KLHL28: variants seen among roughly 807,000 people sequenced by gnomAD.
The protein encoded by KLHL28 is kelch-like protein 28.
KLHL28 carries 22 observed loss-of-function variants against 48.3 expected under a neutral mutation model. That is an observed-to-expected ratio of 0.46 (90% confidence interval 0.33 to 0.65). The LOEUF is 0.65. Among genes scored for constraint, KLHL28 ranks in the 30% least tolerant of loss-of-function variants. The pLI is 0.03. For synonymous variants in KLHL28, 243 were observed against 242.4 expected, an observed-to-expected ratio of 1.00 and a Z score of -0.02; for missense variants, 527 against 704.3, an observed-to-expected ratio of 0.75 and a Z score of 2.85.
rs200022960 is a variant in KLHL28 at position 44,935,890 on chromosome 14, G to A, written c.900-1332C>T. 6.4e-3 allele frequency among the ~76,000 whole-genome samples: 376 copies of A among 58,998 alleles called. 3 individuals carry two copies. The highest frequency in any genetic ancestry group is 0.023 in the Middle Eastern group (2 of 88). 38.7% of individuals were successfully genotyped at this position (58,998 alleles called of 152,430 possible). A position where few individuals can be genotyped will look rare whatever the true frequency, so the allele number is the denominator to read the frequency against. ...TATGTGTATGTATATATATATGTGTGTATATATATATATCTTTACCCTCCC... is the reference window on the plus strand; with the variant it reads ...TATGTGTATGTATATATATATGTGTATATATATATATATCTTTACCCTCCC... On this transcript the variant is annotated intron_variant, in intron 2 of 4. Transcript: ENST00000396128.
intron 2 of KLHL28, among the ~76,000 whole-genome samples, chr14:44,939,018 G>A (rs960641976): frequency 6.6e-6 from 1 of 152,208 alleles, no homozygotes; most frequent in Admixed American, 6.5e-5. Context: ...AGTAGGAGAA[G>A]GTAGCCATGC....
chr14:44,931,408 A>G lies in KLHL28; in HGVS notation c.1477T>C (p.Leu493=), dbSNP rs1230526800. Residue 493 remains leucine, a synonymous_variant, in exon 4 of 5, where the codon TTG becomes CTG. Coordinates refer to ENST00000396128, the MANE Select transcript of KLHL28 (RefSeq NM_017658.5). ...GGATCGTATCTTTCAATGCTGGACA[A>G]ATGTGAGACTCCATTATGTCCACCC... The part of the protein sequence containing the change: ...VVGGHNGVSH[L]SSIERYDPHQ... 2 of 1,613,988 alleles carry G rather than the reference A, an allele frequency of 1.2e-6. No individual in the cohort carries two copies. The highest frequency in any genetic ancestry group is 1.7e-6 in the Non-Finnish European group (2 of 1,179,912).
At chr14:44,929,492 ATTG>A (rs1368476981) in intron 4 of KLHL28, among the ~76,000 whole-genome samples, 1 of 152,146 alleles carries the variant, frequency 6.6e-6, no homozygotes, top group African/African-American at 2.4e-5. Context: ...CTATTCTATT[ATTG>A]TTGTTGCTAA....
intron 2 of KLHL28, among the ~76,000 whole-genome samples, chr14:44,936,806 T>C (rs1883842649): frequency 6.6e-6 from 1 of 152,206 alleles, no homozygotes; most frequent in Non-Finnish European, 1.5e-5. Context: ...GACTGTGATG[T>C]TTCTCGAATC....
intron 1 of KLHL28, among the ~76,000 whole-genome samples, chr14:44,950,732 A>T (rs939993772): frequency 6.6e-6 from 1 of 152,234 alleles, no homozygotes. Context: ...TTGTATAAAA[A>T]GCAGTTGTAA....
chr14:44,945,248 T>C lies in KLHL28; in HGVS notation c.681A>G (p.Pro227=). Residue 227 remains proline, a synonymous_variant, in exon 2 of 5, where the codon CCA becomes CCG. Coordinates refer to ENST00000396128, the MANE Select transcript of KLHL28 (RefSeq NM_017658.5). ...TAGTGAGAAACTTAACACTCAACAATGGTAATCGTACACTGTTTAGTAACT... is the reference window on the plus strand; with the variant it reads ...TAGTGAGAAACTTAACACTCAACAACGGTAATCGTACACTGTTTAGTAACT... The part of the protein sequence containing the change: ...LAQLLNSVRL[P]LLSVKFLTRL... The C allele has an allele frequency of 3.1e-6, 5 of 1,614,142 alleles. No homozygotes were observed. The highest frequency in any genetic ancestry group is 4.2e-6 in the Non-Finnish European group (5 of 1,179,980).
At chr14:44,935,113 C>T (rs1194687868) in intron 2 of KLHL28, among the ~76,000 whole-genome samples, 5 of 152,098 alleles carry the variant, frequency 3.3e-5, no homozygotes, top group Non-Finnish European at 7.4e-5. Flanking sequence ...TAAATTGTGC[C>T]ATATCATATA....
chr14:44,937,169 G>A (rs1414293621), intron 2 of KLHL28, among the ~76,000 whole-genome samples: 21 of 146,606 alleles, frequency 1.4e-4, no homozygotes, highest in South Asian at 6.4e-4. Flanking sequence ...TTTTTGAGAC[G>A]GAGTCTCACT....
chr14:44,944,956 A>G (rs1478640078), intron 2 of KLHL28, 74 bp downstream of exon 2: 1 of 1,111,860 alleles, frequency 9.0e-7, no homozygotes, highest in Non-Finnish European at 1.3e-6. Context: ...CTATTTTTAA[A>G]ATATAGAAAA....
At position 44,945,104 on chromosome 14, in the gene KLHL28, C is replaced by T. The variant is rs1884265594; in HGVS notation, c.825G>A (p.Met275Ile). Residue 275 changes from methionine to isoleucine, a missense_variant, in exon 2 of 5, where the codon ATG becomes ATA. By Grantham distance (10) the Met-to-Ile change is conservative (BLOSUM62 1). Coordinates refer to ENST00000396128, the MANE Select transcript of KLHL28 (RefSeq NM_017658.5). Reference sequence around the variant, plus strand: ...CTTTGGGAGCACAGCGAGGTCGTGTCATCAAGACTGTCTGATGAGAGAGTC... The same window carrying T: ...CTTTGGGAGCACAGCGAGGTCGTGTTATCAAGACTGTCTGATGAGAGAGTC... ...EHRLSHQTVL[M>I]TRPRCAPKVL... 2 of 1,614,090 alleles carry T rather than the reference C, an allele frequency of 1.2e-6. No homozygotes were observed. Among genetic ancestry groups the T allele is most frequent in the African/African-American group, 2.7e-5 (2 of 75,030 alleles).
chr14:44,956,231 G>A (rs1333430417), intron 1 of KLHL28, among the ~76,000 whole-genome samples: 2 of 151,928 alleles, frequency 1.3e-5, no homozygotes, highest in African/African-American at 2.4e-5. Context: ...AAAGTACTGG[G>A]GTTACAGACA....
chr14:44,927,895 C>T lies in KLHL28; in HGVS notation c.*1133G>A, dbSNP rs750944430. The T allele has an allele frequency of 6.6e-6, 1 of 152,508 alleles. No homozygotes were observed. Among genetic ancestry groups the T allele is most frequent in the East Asian group, 1.9e-4 (1 of 5,200 alleles). The allele number at this position is 152,508 out of a possible 1,614,324, so 9.4% of individuals were successfully genotyped here. On this transcript the variant is annotated 3_prime_UTR_variant, in exon 5 of 5. Coordinates refer to ENST00000396128, the MANE Select transcript of KLHL28 (RefSeq NM_017658.5). Reference sequence around the variant, plus strand: ...ATCAAAAGTGTAACTTTCTTTAAATCACTATTCAGGAACCATGAAAAGCAT... The same window carrying T: ...ATCAAAAGTGTAACTTTCTTTAAATTACTATTCAGGAACCATGAAAAGCAT...
chr14:44,934,332 G>A lies in KLHL28; in HGVS notation c.1126C>T (p.Arg376Ter), dbSNP rs1295442130. Residue 376 changes from arginine to a stop codon, truncating the protein, a stop_gained, in exon 3 of 5, where the codon CGA becomes TGA. Coordinates refer to ENST00000396128, the MANE Select transcript of KLHL28 (RefSeq NM_017658.5). LOFTEE classifies it high-confidence loss of function. ...WTSLERMNES[R>*]STLGVVVLAG... ...AGTACTACTACTCCAAGAGTACTTC[G>A]GCTTTCATTCATTCTCTCTAGAGAA... is the stretch of plus-strand genomic sequence containing the variant. 9 of 1,613,748 alleles carry A rather than the reference G, an allele frequency of 5.6e-6. No individual in the cohort carries two copies. The highest frequency in any genetic ancestry group is 1.7e-5 in the Admixed American group (1 of 59,986).
chr14:44,957,343 C>T (rs2138672068), intron 1 of KLHL28, among the ~76,000 whole-genome samples: 1 of 152,176 alleles, frequency 6.6e-6, no homozygotes, highest in Non-Finnish European at 1.5e-5. Flanking sequence ...AAATATAAGG[C>T]ACAAAATTTT....
rs1207081442 is a variant in KLHL28, at chr14:44,945,094, G to A, written c.835C>T (p.Arg279Cys). ...SHQTVLMTRP[R>C]CAPKVLCAVG... ...GCACAAAGTACTTTGGGAGCACAGCGAGGTCGTGTCATCAAGACTGTCTGA... is the reference window on the plus strand; with the variant it reads ...GCACAAAGTACTTTGGGAGCACAGCAAGGTCGTGTCATCAAGACTGTCTGA... The change falls in exon 2 of 5, where the codon CGC (arginine) becomes TGC (cysteine). Residue 279 changes from arginine (R) to cysteine (C), a missense_variant. Coordinates refer to ENST00000396128, the MANE Select transcript of KLHL28 (RefSeq NM_017658.5). 1.9e-6 allele frequency: 3 copies of A among 1,614,070 alleles called. No individual in the cohort carries two copies. The highest frequency in any genetic ancestry group is 1.1e-5 in the South Asian group (1 of 91,074).
At chr14:44,940,144 ACTTAT>A (rs1884008303) in intron 2 of KLHL28, among the ~76,000 whole-genome samples, 1 of 152,168 alleles carries the variant, frequency 6.6e-6, no homozygotes, top group Non-Finnish European at 1.5e-5. Context: ...TGGAAGCAGG[ACTTAT>A]CTTATTATCA....
intron 2 of KLHL28, among the ~76,000 whole-genome samples, chr14:44,934,819 T>C (rs1471363239): frequency 6.6e-6 from 1 of 152,202 alleles, no homozygotes; most frequent in Non-Finnish European, 1.5e-5. Context: ...CTAAAAAAGT[T>C]GAAGATACAT....
intron 1 of KLHL28, chr14:44,959,506 C>A (rs1884941337): frequency 1.3e-5 from 2 of 152,028 alleles, no homozygotes; most frequent in Admixed American, 1.3e-4. Flanking sequence ...GTTCAATATT[C>A]CTGGATGTCT....
intron 1 of KLHL28, among the ~76,000 whole-genome samples, chr14:44,958,019 C>T (rs940086540): frequency 3.4e-5 from 5 of 149,224 alleles, no homozygotes; most frequent in African/African-American, 4.9e-5. Flanking sequence ...CCAGTATTTG[C>T]CTAAAAGCAG....
Sources: allele counts gnomAD v4.1 joint callset (sites outside exome capture counted in the v4.1 genomes callset), GRCh38; gene constraint gnomAD v4.1.1; transcripts MANE v1.5; gene names NCBI Gene and HGNC (gene_info 2026-07-23, HGNC 2026-07-21).